The following NUP37 variants were observed in gnomAD, a reference collection of about 807,000 sequenced individuals.
NUP37 encodes the protein nucleoporin Nup37.
In NUP37, 33 loss-of-function variants were observed where a neutral mutation model predicts 45.4. The observed-to-expected ratio is 0.73, with a 90% CI of 0.55 to 0.97. The LOEUF (loss-of-function observed/expected upper bound fraction) is 0.97. Ranked by LOEUF, NUP37 falls within the 50% of genes least tolerant of loss-of-function variation. The pLI is 0.00. For synonymous variants in NUP37, 127 were observed against 130.7 expected (o/e 0.97, Z 0.19); for missense variants, 365 against 389.7 (o/e 0.94, Z 0.53).
intron 5 of NUP37, 92 bp downstream of exon 5, chr12:102,099,014 A>G: frequency 1.2e-6 from 1 of 852,342 alleles, no homozygotes; most frequent in Admixed American, 2.1e-5. Context: ...TATAGAATTT[A>G]TGTAAAAGTC....
At chr12:102,095,240 T>C (rs569784903) in intron 5 of NUP37, among the ~76,000 whole-genome samples, 41 of 152,252 alleles carry the variant, frequency 2.7e-4, no homozygotes, top group Admixed American at 1.5e-3. Flanking sequence ...TACCTTCTTT[T>C]GGAGGAGGAG....
chr12:102,093,637 T>C (rs527245699), intron 5 of NUP37, among the ~76,000 whole-genome samples: 1 of 152,170 alleles, frequency 6.6e-6, no homozygotes, highest in Non-Finnish European at 1.5e-5. Flanking sequence ...CAGGAAATAT[T>C]AGCATTTCAT....
chr12:102,089,681 G>A (rs1220004119), intron 5 of NUP37, among the ~76,000 whole-genome samples: 2 of 143,032 alleles, frequency 1.4e-5, no homozygotes, highest in Non-Finnish European at 3.0e-5. Context: ...TCCCAGACGG[G>A]GCAGCCGGGC....
chr12:102,112,055 T>C (rs1157687346), intron 3 of NUP37, 53 bp downstream of exon 3: 7 of 1,549,032 alleles, frequency 4.5e-6, no homozygotes, highest in Non-Finnish European at 6.2e-6. Flanking sequence ...TCCAATCATG[T>C]AACACAATCA....
chr12:102,117,370 A>C (rs1455948580), intron 2 of NUP37, among the ~76,000 whole-genome samples: 1 of 152,118 alleles, frequency 6.6e-6, no homozygotes, highest in Non-Finnish European at 1.5e-5. Context: ...GAATCAACTG[A>C]ACCCGGGAGA....
chr12:102,098,856 T>C (rs1406901650), intron 5 of NUP37, among the ~76,000 whole-genome samples: 1 of 152,100 alleles, frequency 6.6e-6, no homozygotes, highest in African/African-American at 2.4e-5. Flanking sequence ...ATTTCATAAA[T>C]GTGAAAATCT....
chr12:102,105,483 T>C (rs1880113840), intron 3 of NUP37, among the ~76,000 whole-genome samples: 2 of 152,080 alleles, frequency 1.3e-5, no homozygotes, highest in African/African-American at 4.8e-5. Flanking sequence ...TGAGCTGATA[T>C]CATGCCATTG....
chr12:102,096,620 A>T (rs1879810066), intron 5 of NUP37, among the ~76,000 whole-genome samples: 1 of 152,178 alleles, frequency 6.6e-6, no homozygotes, highest in African/African-American at 2.4e-5. Context: ...TCTTTACAGT[A>T]CAGAATACAT....
At chr12:102,095,914 C>CT (rs1026995472) in intron 5 of NUP37, among the ~76,000 whole-genome samples, 2 of 152,066 alleles carry the variant, frequency 1.3e-5, no homozygotes, top group African/African-American at 4.8e-5. Flanking sequence ...TCATAAATCT[C>CT]TACAACTGTG....
At chr12:102,102,876 T>C (rs1301666539) in intron 3 of NUP37, among the ~76,000 whole-genome samples, 2 of 152,224 alleles carry the variant, frequency 1.3e-5, no homozygotes, top group Non-Finnish European at 2.9e-5. Context: ...TTTTATGTTC[T>C]TGGCACCTTT....
chr12:102,096,972 T>C (rs1235079330), intron 5 of NUP37, among the ~76,000 whole-genome samples: 1 of 152,160 alleles, frequency 6.6e-6, no homozygotes, highest in African/African-American at 2.4e-5. Context: ...AAAATCTCGG[T>C]GGTTTACAGA....
At chr12:102,107,678 A>C (rs75830911) in intron 3 of NUP37, among the ~76,000 whole-genome samples, 5,683 of 152,248 alleles carry the variant, frequency 0.037, 144 homozygotes, top group African/African-American at 0.068. Flanking sequence ...ATAGTAATAA[A>C]TAACTAGATC....
At chr12:102,092,804 C>T (rs1435540804) in intron 5 of NUP37, among the ~76,000 whole-genome samples, 1 of 152,030 alleles carries the variant, frequency 6.6e-6, no homozygotes, top group Non-Finnish European at 1.5e-5. Flanking sequence ...CTATGGAGAA[C>T]TTTGAGAGCT....
At chr12:102,120,023 C>G (rs1167728903) in intron 1 of NUP37, 27 bp downstream of exon 1, 2 of 153,460 alleles carry the variant, frequency 1.3e-5, no homozygotes, top group Non-Finnish European at 2.9e-5. Context: ...GCATCCCGGC[C>G]TCTCGGGCTC....
intron 5 of NUP37, among the ~76,000 whole-genome samples, chr12:102,089,406 C>T (rs1220268583): frequency 9.0e-5 from 13 of 144,498 alleles, no homozygotes; most frequent in South Asian, 6.8e-4. Context: ...ACGGGGCAGC[C>T]GGGCAGAGGC....
chr12:102,074,768 T>C, intron 9 of NUP37: 1 of 445,874 alleles, frequency 2.2e-6, no homozygotes, highest in South Asian at 5.0e-5. Flanking sequence ...AATAAAAAGC[T>C]TCTTATATGA....
At position 102,112,175 on chromosome 12, in the gene NUP37, C is replaced by T. The variant is rs1223019643; in HGVS notation, c.214G>A (p.Gly72Arg). 1.2e-6 allele frequency: 2 copies of T among 1,613,726 alleles called. No individual in the cohort carries two copies. The highest frequency in any genetic ancestry group is 1.7e-5 in the Admixed American group (1 of 60,022). ...QYKTLRTFHH[G>R]VRVDGIAWSP... is the part of the protein sequence containing the mutation. ...CAAGCTATGCCATCAACCCTGACTC[C>T]ATGGTGAAATGTTCGAAGTGTTTTA... Residue 72 changes from glycine (G) to arginine (R), a missense_variant, in exon 3 of 10, where the codon GGA becomes AGA. Physicochemically the swap from Gly to Arg is moderately radical, Grantham distance 125. Coordinates refer to ENST00000552283, the MANE Select transcript of NUP37 (RefSeq NM_024057.4).
chr12:102,099,070 CAATTT>C, intron 5 of NUP37, 31 bp downstream of exon 5: 4 of 1,293,170 alleles, frequency 3.1e-6, no homozygotes, highest in Non-Finnish European at 4.5e-6. Context: ...ATTAAAATGG[CAATTT>C]AAAAATGTGG....
intron 5 of NUP37, 35 bp from the exon 6 acceptor site, chr12:102,085,891 C>A: frequency 3.0e-6 from 3 of 995,410 alleles, no homozygotes; most frequent in South Asian, 1.5e-5. Flanking sequence ...GTTAATTGTT[C>A]TTGATATATC....
Sources: allele counts gnomAD v4.1 joint callset (sites outside exome capture counted in the v4.1 genomes callset), GRCh38; gene constraint gnomAD v4.1.1; transcripts MANE v1.5; gene names NCBI Gene and HGNC (gene_info 2026-07-23, HGNC 2026-07-21).